TMEM132C: variants seen among roughly 807,000 people sequenced by gnomAD.
TMEM132C encodes the protein protein phosphatase 1, regulatory subunit 152.
In TMEM132C, 29 loss-of-function variants were observed where a neutral mutation model predicts 61.4. The observed-to-expected ratio is 0.47, with a 90% confidence interval of 0.35 to 0.64. The LOEUF is 0.64. TMEM132C is among the 30% of genes least tolerant of loss of function. The pLI is 0.00. For synonymous variants in TMEM132C, 656 were observed against 633.1 expected, an observed-to-expected ratio of 1.04 and a Z score of -0.54; for missense variants, 1,408 against 1,476.9, an observed-to-expected ratio of 0.95 and a Z score of 0.76.
At chr12:128,313,990 C>T (rs2135929106) in intron 1 of TMEM132C, among the ~76,000 whole-genome samples, 1 of 152,312 alleles carries the variant, frequency 6.6e-6, no homozygotes, top group East Asian at 1.9e-4. Flanking sequence ...TGCAAGTTGT[C>T]TGAGAAGTTG....
intron 1 of TMEM132C, 94 bp from the exon 2 acceptor site, chr12:128,414,638 C>T: frequency 7.5e-7 from 1 of 1,332,236 alleles, no homozygotes; most frequent in Non-Finnish European, 9.9e-7. Context: ...TTCTATCCCT[C>T]ATTTCTAAAT....
At chr12:128,306,206 C>CTA (rs574393387) in intron 1 of TMEM132C, among the ~76,000 whole-genome samples, 1 of 136,944 alleles carries the variant, frequency 7.3e-6, no homozygotes, top group Non-Finnish European at 1.5e-5. Context: ...TGAAGAAATT[C>CTA]TTTTTTTTTT....
At position 128,697,395 on chromosome 12, in the gene TMEM132C, G is replaced by T. The variant is rs1181134848; in HGVS notation, c.2101G>T (p.Val701Leu). The change falls in exon 8 of 9, where the codon GTG becomes TTG. Residue 701 changes from valine (V) to leucine (L), a missense_variant. Coordinates refer to ENST00000435159, the MANE Select transcript of TMEM132C (RefSeq NM_001136103.3). ...AACAGCTGTGGTCACAGCTGAGGAG[G>T]TGCTGCGGACCCCCAAACAGGTAGG... Reference protein sequence around the residue: ...AVTAVVTAEEVLRTPKQEAVF... With the variant: ...AVTAVVTAEELLRTPKQEAVF... The T allele has an allele frequency of 6.5e-7, 1 of 1,542,700 alleles. No individual in the cohort carries two copies. The highest frequency in any genetic ancestry group is 1.2e-5 in the South Asian group (1 of 83,542).
intron 2 of TMEM132C, among the ~76,000 whole-genome samples, chr12:128,484,101 G>A (rs528790441): frequency 3.9e-5 from 6 of 152,258 alleles, no homozygotes; most frequent in Admixed American, 6.5e-5. Flanking sequence ...ACATAAAGCC[G>A]GGCTTTGGTT....
At chr12:128,531,601 A>G (rs12815623) in intron 2 of TMEM132C, among the ~76,000 whole-genome samples, 59,281 of 152,086 alleles carry the variant, frequency 0.39, 12,108 homozygotes, top group African/African-American at 0.49. Flanking sequence ...ACACAGGCAC[A>G]TACCTGCTCA....
At chr12:128,634,072 A>G (rs1001747673) in intron 4 of TMEM132C, among the ~76,000 whole-genome samples, 1 of 152,204 alleles carries the variant, frequency 6.6e-6, no homozygotes, top group Non-Finnish European at 1.5e-5. Flanking sequence ...TACAAGAATC[A>G]CATGCCTTCC....
In TMEM132C at chr12:128,457,023, G is replaced by A. The variant is rs529617405; in HGVS notation, c.974+41403G>A. ...TATTGCAGAGCTCACTTCCTTATAT[G>A]AATACACTATGATTTGCTTGTCATT... On this transcript the variant is annotated intron_variant, in intron 2 of 8. Transcript: ENST00000435159. 2.5e-4 allele frequency among the ~76,000 whole-genome samples: 38 copies of A among 152,230 alleles called. 2 individuals carry two copies. The South Asian group carries it at 6.4e-3, about 26-fold the overall frequency.
At chr12:128,403,659 C>T (rs566454555) in intron 1 of TMEM132C, among the ~76,000 whole-genome samples, 83 of 152,182 alleles carry the variant, frequency 5.5e-4, no homozygotes, top group African/African-American at 2.0e-3. Flanking sequence ...TTCCCATCAT[C>T]GACATGAGAA....
chr12:128,275,626 G>A (rs1378406508), intron 1 of TMEM132C, among the ~76,000 whole-genome samples: 1 of 152,044 alleles, frequency 6.6e-6, no homozygotes, highest in African/African-American at 2.4e-5. Context: ...CCCCTGGTCC[G>A]ATGTAAAATT....
intron 2 of TMEM132C, among the ~76,000 whole-genome samples, chr12:128,487,679 T>C (rs1239135845): frequency 4.0e-5 from 6 of 151,274 alleles, no homozygotes; most frequent in Admixed American, 3.9e-4. Context: ...AAGACGTAGA[T>C]CTTAAGTGCC....
At chr12:128,316,601 A>G (rs920441582) in intron 1 of TMEM132C, among the ~76,000 whole-genome samples, 8 of 152,226 alleles carry the variant, frequency 5.3e-5, no homozygotes, top group Admixed American at 1.3e-4. Context: ...TGTCACAGAC[A>G]TGCAAAGACC....
intron 3 of TMEM132C, among the ~76,000 whole-genome samples, chr12:128,577,481 G>C (rs373513518): frequency 2.0e-5 from 3 of 152,174 alleles, no homozygotes; most frequent in Non-Finnish European, 4.4e-5. Context: ...GGTGACACTC[G>C]CTTTTCCAGG....
chr12:128,589,757 T>A (rs1875685962), intron 3 of TMEM132C, among the ~76,000 whole-genome samples: 1 of 149,070 alleles, frequency 6.7e-6, no homozygotes, highest in African/African-American at 2.6e-5. Flanking sequence ...TGGATTTGAA[T>A]TCCTTTTTTT....
At chr12:128,463,963 C>T (rs1454191685) in intron 2 of TMEM132C, among the ~76,000 whole-genome samples, 1 of 152,168 alleles carries the variant, frequency 6.6e-6, no homozygotes, top group Non-Finnish European at 1.5e-5. Context: ...CATGTTAAAC[C>T]ACCAACACTC....
intron 2 of TMEM132C, among the ~76,000 whole-genome samples, chr12:128,490,869 C>T (rs1871692883): frequency 6.6e-6 from 1 of 152,148 alleles, no homozygotes; most frequent in Admixed American, 6.5e-5. Flanking sequence ...GTAGCACTCT[C>T]CAGCCTTTCT....
At chr12:128,641,682 C>T (rs910236326) in intron 4 of TMEM132C, among the ~76,000 whole-genome samples, 1 of 152,220 alleles carries the variant, frequency 6.6e-6, no homozygotes, top group African/African-American at 2.4e-5. Flanking sequence ...CCTCCAGCCG[C>T]AGAACCTTGA....
chr12:128,686,192 G>A (rs545938319), intron 5 of TMEM132C, among the ~76,000 whole-genome samples: 2 of 152,218 alleles, frequency 1.3e-5, no homozygotes, highest in Admixed American at 6.5e-5. Context: ...CACTGGGTGC[G>A]CAGTTACCCC....
chr12:128,552,276 A>G (rs1406718340), intron 3 of TMEM132C, among the ~76,000 whole-genome samples: 1 of 152,214 alleles, frequency 6.6e-6, no homozygotes, highest in Non-Finnish European at 1.5e-5. Context: ...TAAAAATAGA[A>G]ACTTACATAG....
chr12:128,608,598 GA>G (rs1164766936), intron 3 of TMEM132C, among the ~76,000 whole-genome samples: 1 of 150,176 alleles, frequency 6.7e-6, no homozygotes. Flanking sequence ...AAGAAAAAAA[GA>G]AAGTGAAAAG....
Sources: allele counts gnomAD v4.1 joint callset (sites outside exome capture counted in the v4.1 genomes callset), GRCh38; gene constraint gnomAD v4.1.1; transcripts MANE v1.5; gene names NCBI Gene and HGNC (gene_info 2026-07-23, HGNC 2026-07-21).